Variants in STARD3 observed in about 807,000 individuals in gnomAD.
The protein encoded by STARD3 is stAR-related lipid transfer protein 3.
A neutral mutation model predicts 62.0 loss-of-function variants in STARD3; 39 were observed. That is an observed-to-expected ratio of 0.63 (90% CI 0.49 to 0.82). The LOEUF (loss-of-function observed/expected upper bound fraction) is 0.82, where lower values mean the gene tolerates loss of function less well. Among genes scored for constraint, STARD3 ranks in the 40% least tolerant of loss-of-function variants. The pLI, the probability that STARD3 is intolerant of heterozygous loss-of-function variation, is 0.00. For missense variants in STARD3, 543 were observed against 584.5 expected, an observed-to-expected ratio of 0.93 and a Z score of 0.73; for synonymous variants, 229 against 242.4, an observed-to-expected ratio of 0.94 and a Z score of 0.51.
rs1314073934 is a variant in STARD3 at position 39,660,065 on chromosome 17, T to A, written c.796-146T>A. On this transcript the variant is annotated intron_variant, in intron 9 of 14. Coordinates refer to ENST00000336308, the MANE Select transcript of STARD3 (RefSeq NM_006804.4). This position sits in a 1 kb window ranked among gnomAD's most constrained non-coding sequence, Gnocchi z 4.8. ...CATAGGTTTGTTAGAGCTACTGTTTTGTAACAGCTGCTCAGGTGTCCCCAA... is the reference window on the plus strand; with the variant it reads ...CATAGGTTTGTTAGAGCTACTGTTTAGTAACAGCTGCTCAGGTGTCCCCAA... 2.7e-6 allele frequency: 2 copies of A among 738,354 alleles called. No individual in the cohort carries two copies. The highest frequency in any genetic ancestry group is 3.5e-5 in the African/African-American group (2 of 57,048). 45.7% of individuals were successfully genotyped at this position (738,354 alleles called of 1,614,324 possible).
At chr17:39,640,118 T>G (rs1301505172) in intron 1 of STARD3, among the ~76,000 whole-genome samples, 1 of 152,198 alleles carries the variant, frequency 6.6e-6, no homozygotes, top group Admixed American at 6.5e-5. Context: ...GGAACCCGCA[T>G]GTTGCATTAA....
At chr17:39,652,397 G>A (rs996189646) in intron 1 of STARD3, 1 of 152,276 alleles carries the variant, frequency 6.6e-6, no homozygotes, top group African/African-American at 2.4e-5. Context: ...GGAGTTTACA[G>A]TCTAGTGAGA....
chr17:39,656,949 AG>A, intron 2 of STARD3, 58 bp from the exon 3 acceptor site: 4 of 1,569,010 alleles, frequency 2.5e-6, no homozygotes, highest in Non-Finnish European at 3.5e-6. Context: ...CCGGGAGGTG[AG>A]GGGCAGCCCC....
intron 4 of STARD3, 33 bp downstream of exon 4, chr17:39,657,885 C>T: frequency 6.2e-7 from 1 of 1,614,032 alleles, no homozygotes; most frequent in Non-Finnish European, 8.5e-7. Context: ...GCTTCTGGGC[C>T]CTGGCAGGGC....
rs187749575 is a variant in STARD3 at position 39,659,977 on chromosome 17, T to A, written c.796-234T>A. ...GGCCTGGAGACATGGTTTTTTGTGG[T>A]TGCAGCTGCAGCTGTCCCCCCGTCT... On this transcript the variant is annotated intron_variant, in intron 9 of 14. Coordinates refer to ENST00000336308, the MANE Select transcript of STARD3 (RefSeq NM_006804.4). The A allele has an allele frequency of 6.0e-4, 349 of 582,320 alleles. 3 individuals carry two copies. The East Asian group carries it at 9.8e-3, about 16-fold the overall frequency. 36.1% of individuals were successfully genotyped at this position (582,320 alleles called of 1,614,324 possible). A position where few individuals can be genotyped will look rare whatever the true frequency, so the allele number is the denominator to read the frequency against.
At chr17:39,637,382 G>T (rs766584330) in intron 1 of STARD3, 151 bp downstream of exon 1, 1 of 152,338 alleles carries the variant, frequency 6.6e-6, no homozygotes, top group Non-Finnish European at 1.5e-5. Context: ...TCCTCTGTCT[G>T]GCCTCGCGCC....
intron 1 of STARD3, among the ~76,000 whole-genome samples, chr17:39,648,817 G>A (rs1020454971): frequency 6.6e-6 from 1 of 152,146 alleles, no homozygotes; most frequent in Admixed American, 6.5e-5. Flanking sequence ...TGCGTCTCTC[G>A]CTTCGACAGG....
At chr17:39,654,212 G>T (rs747960037) in intron 2 of STARD3, among the ~76,000 whole-genome samples, 1 of 152,032 alleles carries the variant, frequency 6.6e-6, no homozygotes, top group Non-Finnish European at 1.5e-5. Context: ...AACATTTTTT[G>T]AGTCTCTGCT....
At chr17:39,650,124 T>G (rs1426418720) in intron 1 of STARD3, among the ~76,000 whole-genome samples, 1 of 152,148 alleles carries the variant, frequency 6.6e-6, no homozygotes, top group Non-Finnish European at 1.5e-5. Context: ...CTAACCACCT[T>G]TACCTCAGAA....
chr17:39,652,304 C>G (rs2057085464), intron 1 of STARD3, among the ~76,000 whole-genome samples: 1 of 152,194 alleles, frequency 6.6e-6, no homozygotes, highest in Non-Finnish European at 1.5e-5. Context: ...CAATCAATTA[C>G]AAAGCACCTA....
rs569418909 is a variant in STARD3, at chr17:39,663,046, G to A, written c.*138G>A. 1.0e-4 allele frequency: 86 copies of A among 848,796 alleles called. 1 individual carries two copies. In the South Asian group the frequency reaches 1.5e-3, roughly 15 times the overall value. The allele number at this position is 848,796 out of a possible 1,614,324, so 52.6% of individuals were successfully genotyped here. On this transcript the variant is annotated 3_prime_UTR_variant, in exon 15 of 15. Transcript: ENST00000336308. ...CCCTCCACCGAGCCACGCAGTGCCT[G>A]GAGTTGACTGACTGAGCAGGCTGTG... is the stretch of plus-strand genomic sequence containing the variant.
intron 1 of STARD3, among the ~76,000 whole-genome samples, chr17:39,645,694 A>T (rs895003228): frequency 6.6e-6 from 1 of 151,524 alleles, no homozygotes; most frequent in Non-Finnish European, 1.5e-5. Context: ...CTGGCCTCAA[A>T]CTCCTGACCT....
intron 1 of STARD3, among the ~76,000 whole-genome samples, chr17:39,650,290 G>T (rs112383549): frequency 2.8e-4 from 42 of 152,278 alleles, no homozygotes; most frequent in African/African-American, 1.0e-3. Context: ...AGCGAAGACC[G>T]GTCGGCGTTT....
At chr17:39,642,666 G>A (rs1312526053) in intron 1 of STARD3, among the ~76,000 whole-genome samples, 1 of 152,162 alleles carries the variant, frequency 6.6e-6, no homozygotes. Flanking sequence ...ACAGACCAGT[G>A]AATGTATCAT....
In STARD3 at chr17:39,660,516, C is replaced by G; in HGVS notation, c.944C>G (p.Thr315Ser). The change falls in exon 11 of 15, where the codon ACT becomes AGT. Residue 315 changes from threonine to serine, a missense_variant. Transcript: ENST00000336308. The surrounding 1 kb of genome is among the most constrained non-coding windows in gnomAD (Gnocchi z 4.8). ...ATGGTGCTGTGGAACAAGACAGTGA[C>G]TGCCTGCCAGGTGAGCCCAGTCTGG... The part of the protein sequence containing the change: ...ERMVLWNKTV[T>S]ACQILQRVED... The G allele has an allele frequency of 6.2e-7, 1 of 1,613,960 alleles. No homozygotes were observed. Among genetic ancestry groups the G allele is most frequent in the Non-Finnish European group, 8.5e-7 (1 of 1,180,036 alleles).
chr17:39,647,161 T>C (rs1289729996), intron 1 of STARD3, among the ~76,000 whole-genome samples: 2 of 151,422 alleles, frequency 1.3e-5, no homozygotes, highest in African/African-American at 4.9e-5. Context: ...ATCGTGCCAC[T>C]GCACTCCAGC....
chr17:39,638,809 G>T (rs1182525732), intron 1 of STARD3, among the ~76,000 whole-genome samples: 1 of 152,174 alleles, frequency 6.6e-6, no homozygotes, highest in Non-Finnish European at 1.5e-5. Context: ...TGTATGTTTA[G>T]GTCTTAAACC....
chr17:39,637,464 C>A (rs2056942070), intron 1 of STARD3: 1 of 152,196 alleles, frequency 6.6e-6, no homozygotes, highest in Non-Finnish European at 1.5e-5. Context: ...CCGGGGAGGA[C>A]GTTCGGGATC....
intron 14 of STARD3, 95 bp from the exon 15 acceptor site, chr17:39,662,709 A>C: frequency 8.2e-7 from 1 of 1,215,208 alleles, no homozygotes; most frequent in Non-Finnish European, 1.2e-6. Context: ...CTGCACCTGC[A>C]TTCTGGCCCA....
Sources: allele counts gnomAD v4.1 joint callset (sites outside exome capture counted in the v4.1 genomes callset), GRCh38; gene constraint gnomAD v4.1.1; non-coding constraint Gnocchi (gnomAD v3.1); transcripts MANE v1.5; gene names NCBI Gene and HGNC (gene_info 2026-07-23, HGNC 2026-07-21).